Variants in VWA8 observed in about 807,000 individuals in gnomAD.
VWA8 encodes the protein von Willebrand factor A domain containing 8.
A neutral mutation model predicts 241.5 loss-of-function variants in VWA8; 221 were observed. The observed-to-expected ratio is 0.91, with a 90% CI of 0.82 to 1.02. VWA8 has a LOEUF of 1.02. VWA8 is among the 50% of genes least tolerant of loss of function. The pLI, the probability that VWA8 is intolerant of heterozygous loss-of-function variation, is 0.00. For missense variants in VWA8, 2,322 were observed against 2,328.7 expected (o/e 1.00, Z 0.06); for synonymous variants, 852 against 827.1 (o/e 1.03, Z -0.52).
At chr13:41,576,123 G>C (rs1365299449) in intron 42 of VWA8, among the ~76,000 whole-genome samples, 3 of 152,176 alleles carry the variant, frequency 2.0e-5, no homozygotes, top group African/African-American at 7.2e-5. Context: ...GGGTGAGGTA[G>C]TTCCCTCCAA....
intron 19 of VWA8, among the ~76,000 whole-genome samples, chr13:41,783,530 CG>C (rs1868990428): frequency 6.6e-6 from 1 of 151,122 alleles, no homozygotes; most frequent in Admixed American, 6.6e-5. Context: ...CTCAGCTACT[CG>C]GGAGGCTGAG....
chr13:41,673,456 A>G (rs1002888326), intron 36 of VWA8, among the ~76,000 whole-genome samples: 1 of 152,194 alleles, frequency 6.6e-6, no homozygotes, highest in African/African-American at 2.4e-5. Flanking sequence ...AACTCAGGAC[A>G]TACTGACAAT....
At chr13:41,644,289 C>T (rs2139683451) in intron 37 of VWA8, among the ~76,000 whole-genome samples, 1 of 151,886 alleles carries the variant, frequency 6.6e-6, no homozygotes, top group Admixed American at 6.6e-5. Context: ...AAAAAAAAAC[C>T]AGAGTGTAGA....
chr13:41,705,229 C>A (rs2045275227), intron 26 of VWA8, among the ~76,000 whole-genome samples: 1 of 149,648 alleles, frequency 6.7e-6, no homozygotes, highest in Admixed American at 6.7e-5. Flanking sequence ...AGTATCTGTA[C>A]AATTATCTCA....
rs1381653770 is a variant in VWA8, at chr13:41,703,298, T to C, written c.3225+5A>G. On this transcript the variant is annotated splice_donor_5th_base_variant and intron_variant, in intron 27 of 44. Transcript: ENST00000379310. ...ATTTTAAGAGAGAATAATGATGATA[T>C]CAACCTTTATGTCTATATGATGAGT... 3 of 1,611,190 alleles carry C rather than the reference T, an allele frequency of 1.9e-6. No homozygotes were observed. Among genetic ancestry groups the C allele is most frequent in the Admixed American group, 3.3e-5 (2 of 59,948 alleles).
intron 9 of VWA8, among the ~76,000 whole-genome samples, chr13:41,882,649 C>T (rs1041043462): frequency 2.0e-5 from 3 of 152,332 alleles, no homozygotes; most frequent in East Asian, 1.9e-4. Context: ...CAAAAAAATA[C>T]GAAAACCAGT....
At chr13:41,858,366 G>T (rs530635318) in intron 12 of VWA8, among the ~76,000 whole-genome samples, 1 of 152,270 alleles carries the variant, frequency 6.6e-6, no homozygotes, top group Non-Finnish European at 1.5e-5. Context: ...ACCACTTTAG[G>T]AGGCCAAGGT....
chr13:41,693,619 T>C (rs1006852766), intron 29 of VWA8, among the ~76,000 whole-genome samples: 1 of 152,102 alleles, frequency 6.6e-6, no homozygotes, highest in African/African-American at 2.4e-5. Flanking sequence ...AACAGATTTC[T>C]GCAGCATTAT....
At chr13:41,835,517 C>T (rs1031971825) in intron 12 of VWA8, among the ~76,000 whole-genome samples, 21 of 152,116 alleles carry the variant, frequency 1.4e-4, no homozygotes, top group African/African-American at 5.1e-4. Flanking sequence ...CTAAATTGAT[C>T]ACCATCATCC....
intron 42 of VWA8, among the ~76,000 whole-genome samples, chr13:41,580,393 C>T (rs2044375169): frequency 6.6e-6 from 1 of 152,190 alleles, no homozygotes; most frequent in Non-Finnish European, 1.5e-5. Context: ...ATTTCTAAAC[C>T]TGTGAAACAT....
At chr13:41,868,770 A>C (rs1179950) in intron 9 of VWA8, among the ~76,000 whole-genome samples, 2 of 151,276 alleles carry the variant, frequency 1.3e-5, no homozygotes, top group Non-Finnish European at 3.0e-5. Context: ...CACCTGTAGT[A>C]CCAGCTACTC....
intron 35 of VWA8, among the ~76,000 whole-genome samples, chr13:41,683,451 G>A (rs1006896512): frequency 2.0e-5 from 3 of 152,110 alleles, no homozygotes; most frequent in Non-Finnish European, 4.4e-5. Context: ...GTAAGTGCAG[G>A]CACTGACACA....
rs140677676 is a variant in VWA8 at position 41,813,545 on chromosome 13, G to A, written c.1948-2205C>T. On this transcript the variant is annotated intron_variant, in intron 16 of 44. Transcript: ENST00000379310. ...CTCTAACCAGAGGATTCTTATAAGA[G>A]TCCTGTTAAACCATAGGGTATAACA... 7.6e-3 allele frequency among the ~76,000 whole-genome samples: 1,160 copies of A among 152,166 alleles called. 22 individuals carry two copies. The highest frequency in any genetic ancestry group is 0.025 in the African/African-American group (1,035 of 41,520).
intron 4 of VWA8, 51 bp downstream of exon 4, chr13:41,907,535 T>C: frequency 6.6e-7 from 1 of 1,519,052 alleles, no homozygotes; most frequent in Non-Finnish European, 9.1e-7. Flanking sequence ...AAAATCAATC[T>C]TGTATAGACC....
At chr13:41,823,465 A>G (rs1871048425) in intron 14 of VWA8, among the ~76,000 whole-genome samples, 1 of 152,306 alleles carries the variant, frequency 6.6e-6, no homozygotes, top group South Asian at 2.1e-4. Context: ...TAAACTGTTA[A>G]TAACAGAAAC....
At chr13:41,677,232 A>G (rs374896896) in intron 35 of VWA8, among the ~76,000 whole-genome samples, 2 of 152,128 alleles carry the variant, frequency 1.3e-5, no homozygotes, top group African/African-American at 4.8e-5. Flanking sequence ...AGAGCCCTCA[A>G]CTAATTCTAT....
intron 37 of VWA8, among the ~76,000 whole-genome samples, chr13:41,653,414 G>A (rs1397181591): frequency 2.6e-5 from 4 of 152,028 alleles, no homozygotes; most frequent in South Asian, 2.1e-4. Context: ...CAGAGATAAC[G>A]CAGACAAATA....
intron 12 of VWA8, among the ~76,000 whole-genome samples, chr13:41,851,405 A>C (rs1296298930): frequency 6.6e-6 from 1 of 152,212 alleles, no homozygotes; most frequent in Non-Finnish European, 1.5e-5. Context: ...ATTGCAAATG[A>C]CAGTGATATG....
chr13:41,576,668 A>C (rs2044352386), intron 42 of VWA8, among the ~76,000 whole-genome samples: 1 of 152,254 alleles, frequency 6.6e-6, no homozygotes, highest in South Asian at 2.1e-4. Context: ...ATGGAGGCCC[A>C]TATATTATGT....
Sources: allele counts gnomAD v4.1 joint callset (sites outside exome capture counted in the v4.1 genomes callset), GRCh38; gene constraint gnomAD v4.1.1; transcripts MANE v1.5; gene names NCBI Gene and HGNC (gene_info 2026-07-23, HGNC 2026-07-21).